Variants in SLC9D1 observed in about 807,000 individuals in gnomAD.
SLC9D1 encodes the protein putative LAG1-interacting protein.
chr13:113,538,540 C>T, the SLC9D1 span, among the ~76,000 whole-genome samples: 2 of 152,226 alleles, frequency 1.3e-5, no homozygotes, highest in East Asian at 1.9e-4. Flanking sequence ...TCCGCCGCTC[C>T]GCCGTGCTGA....
At chr13:113,499,055 G>A in the SLC9D1 span, among the ~76,000 whole-genome samples, 693 of 152,310 alleles carry the variant, frequency 4.5e-3, 6 homozygotes, top group Non-Finnish European at 7.2e-3. Context: ...AATTTTCTGG[G>A]AAAGGGGTGG....
chr13:113,527,702 G>C, the SLC9D1 span: 1 of 152,184 alleles, frequency 6.6e-6, no homozygotes, highest in African/African-American at 2.4e-5. Context: ...CGCATCTGTG[G>C]GTTTATGTCT....
chr13:113,536,669 C>A, the SLC9D1 span: 2 of 646,488 alleles, frequency 3.1e-6, no homozygotes, highest in South Asian at 6.9e-5. Context: ...CGTGCACCTG[C>A]TGCCAGCTGC....
the SLC9D1 span, chr13:113,510,517 G>A: frequency 7.9e-7 from 1 of 1,261,926 alleles, no homozygotes; most frequent in Non-Finnish European, 1.1e-6. Context: ...AGGAAAAATT[G>A]CAAAGTCTTA....
At chr13:113,514,228 A>G in the SLC9D1 span, 1 of 144,714 alleles carries the variant, frequency 6.9e-6, no homozygotes, top group East Asian at 2.0e-4. Context: ...TTTTATTGAA[A>G]GGCATTTTTT....
the SLC9D1 span, among the ~76,000 whole-genome samples, chr13:113,496,434 C>G: frequency 6.6e-6 from 1 of 152,144 alleles, no homozygotes; most frequent in Non-Finnish European, 1.5e-5. Flanking sequence ...TTTGACTTTT[C>G]TTCAGTGTCA....
At chr13:113,514,237 T>TC in the SLC9D1 span, 28,172 of 152,164 alleles carry the variant, frequency 0.19, 3,439 homozygotes, top group African/African-American at 0.35. Flanking sequence ...AAGGCATTTT[T>TC]TTTTAATAAG....
chr13:113,539,516 C>T, the SLC9D1 span: 1 of 1,610,398 alleles, frequency 6.2e-7, no homozygotes, highest in Non-Finnish European at 8.5e-7. This position sits in a 1 kb window ranked among gnomAD's most constrained non-coding sequence, Gnocchi z 4.8. Flanking sequence ...AGGTAATCTT[C>T]CTTCTTTACA....
chr13:113,549,333 C>T, the SLC9D1 span: 148 of 1,439,298 alleles, frequency 1.0e-4, no homozygotes, highest in African/African-American at 1.9e-3. Flanking sequence ...GCAGGCGTCC[C>T]TCCCAGCTCA....
At chr13:113,549,630 C>G in the SLC9D1 span, 27 of 1,509,764 alleles carry the variant, frequency 1.8e-5, no homozygotes, top group South Asian at 3.0e-4. Flanking sequence ...AAGCTCGCAC[C>G]TTGGCAACAG....
chr13:113,510,564 C>G, the SLC9D1 span: 2 of 722,386 alleles, frequency 2.8e-6, no homozygotes, highest in South Asian at 4.0e-5. Context: ...ATGGTGGATA[C>G]CAGGGCTTAC....
the SLC9D1 span, among the ~76,000 whole-genome samples, chr13:113,494,128 G>A: frequency 3.9e-5 from 6 of 152,222 alleles, no homozygotes; most frequent in African/African-American, 7.2e-5. Flanking sequence ...ATATGTGATG[G>A]TTGAGTAGGA....
At chr13:113,544,192 G>A in the SLC9D1 span, among the ~76,000 whole-genome samples, 11 of 152,258 alleles carry the variant, frequency 7.2e-5, no homozygotes, top group Admixed American at 2.6e-4. Flanking sequence ...CCACCTGCAG[G>A]CTGGCAGGCG....
At chr13:113,510,311 A>G in the SLC9D1 span, 20 of 1,614,220 alleles carry the variant, frequency 1.2e-5, no homozygotes, top group South Asian at 1.8e-4. Flanking sequence ...CTGTGGGGGC[A>G]TCTCTTGCGG....
chr13:113,525,384 A>G, the SLC9D1 span, among the ~76,000 whole-genome samples: 28,048 of 152,086 alleles, frequency 0.18, 3,388 homozygotes, highest in African/African-American at 0.35. Context: ...CACACACCCA[A>G]TTAGGCATGG....
the SLC9D1 span, among the ~76,000 whole-genome samples, chr13:113,507,737 C>T: frequency 6.6e-6 from 1 of 152,212 alleles, no homozygotes; most frequent in Non-Finnish European, 1.5e-5. Context: ...GTTTCGTTTG[C>T]TTCTGTCTTG....
At chr13:113,499,168 C>G in the SLC9D1 span, among the ~76,000 whole-genome samples, 1 of 152,166 alleles carries the variant, frequency 6.6e-6, no homozygotes, top group Non-Finnish European at 1.5e-5. Context: ...GTGGGAGTGT[C>G]ATTCCACATG....
the SLC9D1 span, among the ~76,000 whole-genome samples, chr13:113,539,830 T>A: frequency 6.6e-6 from 1 of 152,124 alleles, no homozygotes; most frequent in Admixed American, 6.5e-5. The surrounding 1 kb of genome is among the most constrained non-coding windows in gnomAD (Gnocchi z 4.8). Flanking sequence ...GTAATAAGCA[T>A]AGGACCCTCG....
chr13:113,546,065 G>A, the SLC9D1 span, among the ~76,000 whole-genome samples: 5 of 152,156 alleles, frequency 3.3e-5, no homozygotes, highest in Non-Finnish European at 1.5e-5. This position sits in a 1 kb window ranked among gnomAD's most constrained non-coding sequence, Gnocchi z 7.1. Flanking sequence ...GTGTGGCCGC[G>A]ATGTGAGGCC....
Sources: allele counts gnomAD v4.1 joint callset (sites outside exome capture counted in the v4.1 genomes callset), GRCh38; gene constraint gnomAD v4.1.1; non-coding constraint Gnocchi (gnomAD v3.1); transcripts MANE v1.5; gene names NCBI Gene and HGNC (gene_info 2026-07-23, HGNC 2026-07-21).